Variants in ADAMTS18 observed in about 807,000 individuals in gnomAD.
The protein encoded by ADAMTS18 is A disintegrin and metalloproteinase with thrombospondin motifs 18.
ADAMTS18 carries 157 observed loss-of-function variants against 165.9 expected under a neutral mutation model. The observed-to-expected ratio is 0.95, with a 90% CI of 0.83 to 1.08. The LOEUF is 1.08. ADAMTS18 is among the 50% of genes least tolerant of loss of function. The pLI is 0.00. For synonymous variants in ADAMTS18, 782 were observed against 578.2 expected, an observed-to-expected ratio of 1.35 and a Z score of -5.06; for missense variants, 2,040 against 1,534.0, an observed-to-expected ratio of 1.33 and a Z score of -5.51.
chr16:77,372,372 T>C (rs1167283515), intron 3 of ADAMTS18, among the ~76,000 whole-genome samples: 1 of 152,352 alleles, frequency 6.6e-6, no homozygotes, highest in Non-Finnish European at 1.5e-5. Flanking sequence ...AGTCTAAGTG[T>C]CTGTCAACAA....
At chr16:77,374,116 G>C (rs2056916257) in intron 3 of ADAMTS18, among the ~76,000 whole-genome samples, 1 of 151,956 alleles carries the variant, frequency 6.6e-6, no homozygotes, top group East Asian at 1.9e-4. Flanking sequence ...CTACTCAGGA[G>C]GCTGAGGCAG....
intron 12 of ADAMTS18, among the ~76,000 whole-genome samples, chr16:77,334,822 AC>A (rs1161465145): frequency 1.1e-3 from 137 of 123,860 alleles, no homozygotes; most frequent in Non-Finnish European, 1.9e-3. Flanking sequence ...CAGTATATAT[AC>A]TATATACTAT....
At position 77,335,769 on chromosome 16, in the gene ADAMTS18, A is replaced by T; in HGVS notation, c.1846T>A (p.Cys616Ser). The change falls in exon 12 of 23, where the codon TGC (cysteine) becomes AGC (serine). Residue 616 changes from cysteine (C) to serine (S), a missense_variant. Coordinates refer to ENST00000282849, the MANE Select transcript of ADAMTS18 (RefSeq NM_199355.4). ...CTGGAGGCTTACTTGGGGTTATTGC[A>T]GTGTCTCTCCTGGAACTTGACTCCT... ...GGGVKFQERH[C>S]NNPKPQYGGL... 2 of 1,614,228 alleles carry T rather than the reference A, an allele frequency of 1.2e-6. No homozygotes were observed. The highest frequency in any genetic ancestry group is 8.5e-7 in the Non-Finnish European group (1 of 1,180,032).
chr16:77,365,518 A>G lies in ADAMTS18; in HGVS notation c.779-1137T>C, dbSNP rs2056780372. Among the ~76,000 whole-genome samples, 3 of 152,338 alleles carry G rather than the reference A, an allele frequency of 2.0e-5. No homozygotes were observed. In the South Asian group the frequency reaches 6.2e-4, roughly 32 times the overall value. The stretch of plus-strand genomic sequence containing the variant: ...TATTAGGGAAACAGCATAGTTGGGG[A>G]TGATATTAAAAACTGTATTAAACAC... On this transcript the variant is annotated intron_variant, in intron 4 of 22. Transcript: ENST00000282849.
At chr16:77,286,832 A>G (rs1049925047) in intron 22 of ADAMTS18, among the ~76,000 whole-genome samples, 1 of 152,212 alleles carries the variant, frequency 6.6e-6, no homozygotes, top group African/African-American at 2.4e-5. Flanking sequence ...TCTGGGTGGT[A>G]TGACTGCTTT....
At chr16:77,334,681 G>GTATA (rs575424017) in intron 12 of ADAMTS18, among the ~76,000 whole-genome samples, 1 of 106,290 alleles carries the variant, frequency 9.4e-6, no homozygotes, top group Non-Finnish European at 1.8e-5. Context: ...ATATACTATA[G>GTATA]TATATATATA....
chr16:77,307,637 C>T (rs889506241), intron 16 of ADAMTS18, among the ~76,000 whole-genome samples: 5 of 152,196 alleles, frequency 3.3e-5, no homozygotes, highest in African/African-American at 7.2e-5. Context: ...GACGTGCCAT[C>T]GCAAAAGTAC....
intron 22 of ADAMTS18, among the ~76,000 whole-genome samples, chr16:77,284,566 G>A (rs1322907132): frequency 6.6e-6 from 1 of 151,864 alleles, no homozygotes; most frequent in Non-Finnish European, 1.5e-5. Context: ...TGGGACTTTG[G>A]TAGGGGGGTG....
intron 3 of ADAMTS18, among the ~76,000 whole-genome samples, chr16:77,390,832 G>T (rs1387703528): frequency 6.6e-6 from 1 of 152,154 alleles, no homozygotes; most frequent in Non-Finnish European, 1.5e-5. Flanking sequence ...CCATTACAAT[G>T]AAATAAAATG....
intron 3 of ADAMTS18, among the ~76,000 whole-genome samples, chr16:77,412,516 G>C (rs1217500756): frequency 6.6e-6 from 1 of 152,076 alleles, no homozygotes; most frequent in East Asian, 1.9e-4. Context: ...GTATTATAGA[G>C]ATGGGGTGTA....
chr16:77,401,024 G>C (rs1244205241), intron 3 of ADAMTS18, among the ~76,000 whole-genome samples: 1 of 152,082 alleles, frequency 6.6e-6, no homozygotes, highest in Admixed American at 6.5e-5. Flanking sequence ...GGGAGGCTGA[G>C]GTGGGTGGAT....
chr16:77,334,443 GTATATATTATATAGTATATATACTGT>G, intron 12 of ADAMTS18, among the ~76,000 whole-genome samples: 1 of 106,962 alleles, frequency 9.3e-6, no homozygotes, highest in African/African-American at 3.9e-5. Context: ...GTATATTATA[GTATATATTATATAGTATATATACTGT>G]ATATTATAGT....
intron 12 of ADAMTS18, among the ~76,000 whole-genome samples, chr16:77,327,228 G>T (rs1361863234): frequency 4.6e-5 from 7 of 152,042 alleles, no homozygotes; most frequent in Non-Finnish European, 8.8e-5. Context: ...AGGTTGTTTG[G>T]TTACATAAAA....
chr16:77,399,980 G>A (rs955252858), intron 3 of ADAMTS18, among the ~76,000 whole-genome samples: 5 of 152,116 alleles, frequency 3.3e-5, no homozygotes, highest in Non-Finnish European at 7.4e-5. Context: ...CCAGGTATGG[G>A]CTCTTTAAAA....
At chr16:77,334,533 ATACTGGATAT>A (rs1181956295) in intron 12 of ADAMTS18, among the ~76,000 whole-genome samples, 54 of 112,588 alleles carry the variant, frequency 4.8e-4, no homozygotes, top group African/African-American at 1.9e-3. Flanking sequence ...TATAGTATAT[ATACTGGATAT>A]TATAGTATAT....
At chr16:77,334,557 A>ATAG (rs1458677768) in intron 12 of ADAMTS18, among the ~76,000 whole-genome samples, 66 of 112,602 alleles carry the variant, frequency 5.9e-4, no homozygotes, top group African/African-American at 2.4e-3. Context: ...AGTATATATT[A>ATAG]TATAGTAGTA....
intron 3 of ADAMTS18, among the ~76,000 whole-genome samples, chr16:77,396,669 C>A (rs548626799): frequency 6.6e-6 from 1 of 152,252 alleles, no homozygotes; most frequent in African/African-American, 2.4e-5. Flanking sequence ...TCCAAGAAGG[C>A]ATGTAAGATA....
In ADAMTS18 at chr16:77,363,789, G is replaced by A. The variant is rs192826408; in HGVS notation, c.1056+13C>T. The A allele has an allele frequency of 9.3e-6, 15 of 1,612,112 alleles. No individual in the cohort carries two copies. The African/African-American group carries it at 1.6e-4, about 17-fold the overall frequency. On this transcript the variant is annotated intron_variant, in intron 6 of 22. Transcript: ENST00000282849. ...CAGACTGAATGAAGACATAAATGAA[G>A]TTTGCCACTTACAGGTTCTTGTTCC...
chr16:77,364,399 G>A lies in ADAMTS18; in HGVS notation c.779-18C>T. The A allele has an allele frequency of 6.2e-7, 1 of 1,612,286 alleles. No individual in the cohort carries two copies. Among genetic ancestry groups the A allele is most frequent in the Non-Finnish European group, 8.5e-7 (1 of 1,179,016 alleles). On this transcript the variant is annotated intron_variant, in intron 4 of 22. Transcript: ENST00000282849. The stretch of plus-strand genomic sequence containing the variant: ...GGGAGCATCTACGATGAACAGAAGA[G>A]CATTTGGAAGGGATATTAGAGAATA...
Sources: gnomAD v4.1 joint callset for allele counts (sites outside exome capture counted in the v4.1 genomes callset) on GRCh38, gnomAD v4.1.1 for gene constraint, MANE v1.5 for transcripts, NCBI Gene and HGNC (gene_info 2026-07-23, HGNC 2026-07-21) for gene names.